Variants in TRIM41 observed in about 807,000 individuals in gnomAD.
The protein encoded by TRIM41 is tripartite motif containing 41, also known as E3 ubiquitin-protein ligase TRIM41.
TRIM41 carries 21 observed loss-of-function variants against 60.6 expected under a neutral mutation model. That is an observed-to-expected ratio of 0.35 (90% CI 0.25 to 0.50). The LOEUF is 0.50. Among genes scored for constraint, TRIM41 ranks in the 20% least tolerant of loss-of-function variants. The pLI is 0.98. For missense variants in TRIM41, 846 were observed against 868.3 expected, an observed-to-expected ratio of 0.97 and a Z score of 0.32; for synonymous variants, 407 against 344.9, an observed-to-expected ratio of 1.18 and a Z score of -2.00.
Position 181,223,406 on chromosome 5 carries a change from G to C in TRIM41, c.-594G>C, listed in dbSNP as rs1301457879. The C allele has an allele frequency of 5.0e-6, 2 of 399,814 alleles. No individual in the cohort carries two copies. The highest frequency in any genetic ancestry group is 2.1e-5 in the African/African-American group (1 of 48,656). 24.8% of individuals were successfully genotyped at this position (399,814 alleles called of 1,614,324 possible). On this transcript the variant is annotated 5_prime_UTR_variant, in exon 1 of 6. Transcript: ENST00000315073. ...CCGCCAGGCGCTCCCCCTACCCCCCGAAGTTTCTCCCCAGCGGCGGGGGAT... is the reference window on the plus strand; with the variant it reads ...CCGCCAGGCGCTCCCCCTACCCCCCCAAGTTTCTCCCCAGCGGCGGGGGAT...
intron 2 of TRIM41, chr5:181,232,213 T>C (rs1758833087): frequency 1.2e-5 from 2 of 169,374 alleles, no homozygotes; most frequent in South Asian, 3.1e-4. Context: ...AACAAAGACA[T>C]TCCTAGTCCC....
rs748438519 is a variant in TRIM41 at position 181,223,984 on chromosome 5, C to A, written c.-16C>A. 3 of 1,601,598 alleles carry A rather than the reference C, an allele frequency of 1.9e-6. No individual in the cohort carries two copies. Among genetic ancestry groups the A allele is most frequent in the Non-Finnish European group, 2.6e-6 (3 of 1,172,238 alleles). On this transcript the variant is annotated 5_prime_UTR_variant, in exon 1 of 6. The change creates a new upstream start codon in the 5' untranslated region. Transcript: ENST00000315073. ...CCCCCCCACCGAACCTCTACACTGG[C>A]TGGCTGGACACTAAGATGGCTGCCG...
At chr5:181,232,430 T>TGG (rs1758843095) in intron 2 of TRIM41, 1 of 528,096 alleles carries the variant, frequency 1.9e-6, no homozygotes, top group Admixed American at 3.8e-5. Context: ...TAGAGTCAGG[T>TGG]GGAGAGGAGT....
rs1186076098 is a variant in TRIM41 at position 181,223,946 on chromosome 5, C to G, written c.-54C>G. 3 of 1,522,288 alleles carry G rather than the reference C, an allele frequency of 2.0e-6. No homozygotes were observed. The African/African-American group carries it at 4.3e-5, about 22-fold the overall frequency. The allele number at this position is 1,522,288 out of a possible 1,614,324, so 94.3% of individuals were successfully genotyped here. ...GTCGCCAGGGCGTCGGTAGGGAAGA[C>G]CCCCGCCCCTCGCCCCCCCACCGAA... On this transcript the variant is annotated 5_prime_UTR_variant, in exon 1 of 6. Transcript: ENST00000315073.
Position 181,232,728 on chromosome 5 carries a change from G to C in TRIM41, c.979G>C (p.Glu327Gln). 1 of 1,614,066 alleles carries C rather than the reference G, an allele frequency of 6.2e-7. No homozygotes were observed. The highest frequency in any genetic ancestry group is 8.5e-7 in the Non-Finnish European group (1 of 1,180,022). ...FGRLTRFLAE[E>Q]QAGLERRLRE... Reference sequence around the variant, plus strand: ...GCGACTGACACGGTTTCTGGCTGAAGAGCAGGCAGGGCTGGAACGGCGTCT... The same window carrying C: ...GCGACTGACACGGTTTCTGGCTGAACAGCAGGCAGGGCTGGAACGGCGTCT... The change falls in exon 3 of 6, where the codon GAG (glutamate) becomes CAG (glutamine). Residue 327 changes from glutamate to glutamine, a missense_variant. Transcript: ENST00000315073.
rs1759074316 is a variant in TRIM41 at position 181,235,571 on chromosome 5, C to T, written c.*796C>T. On this transcript the variant is annotated 3_prime_UTR_variant, in exon 6 of 6. Coordinates refer to ENST00000315073, the MANE Select transcript of TRIM41 (RefSeq NM_033549.5). ...CTCCTCTCCCCTTTGTTCAGTGGAG[C>T]TGGCTTTTCTCCCAGCCCCTTTCCA... The T allele has an allele frequency of 1.3e-5, 11 of 827,042 alleles. No homozygotes were observed. In the Admixed American group the frequency reaches 2.5e-4, roughly 19 times the overall value. 51.2% of individuals were successfully genotyped at this position (827,042 alleles called of 1,614,324 possible). A position where few individuals can be genotyped will look rare whatever the true frequency, so the allele number is the denominator to read the frequency against.
Position 181,234,379 on chromosome 5 carries a change from G to A in TRIM41, c.1497G>A (p.Ala499=), listed in dbSNP as rs774061821. The stretch of plus-strand genomic sequence containing the variant: ...AGGTGGGCGGGCGGCGGGGCTGGGC[G>A]GTGGGTGCTGCCCGTGAATCAACCC... ...EVEVGGRRGW[A]VGAARESTHH... Residue 499 remains alanine (A), a synonymous_variant, in exon 6 of 6, where the codon GCG becomes GCA. Coordinates refer to ENST00000315073, the MANE Select transcript of TRIM41 (RefSeq NM_033549.5). The surrounding 1 kb of genome is among the most constrained non-coding windows in gnomAD (Gnocchi z 5.6). The A allele has an allele frequency of 2.3e-5, 36 of 1,550,542 alleles. 3 individuals carry two copies. The Middle Eastern group carries it at 2.9e-3, about 125-fold the overall frequency.
At position 181,235,641 on chromosome 5, in the gene TRIM41, C is replaced by T. The variant is rs563043460; in HGVS notation, c.*866C>T. 72 of 522,578 alleles carry T rather than the reference C, an allele frequency of 1.4e-4. No individual in the cohort carries two copies. Among genetic ancestry groups the T allele is most frequent in the Non-Finnish European group, 1.7e-4 (51 of 291,764 alleles). The allele number at this position is 522,578 out of a possible 1,614,324, so 32.4% of individuals were successfully genotyped here. A position where few individuals can be genotyped will look rare whatever the true frequency, so the allele number is the denominator to read the frequency against. ...CAAGCTCTGAGGGGGAGCCTGGGGA[C>T]GGGTTTGGGTCCCCAGGAGGAGAGC... is the stretch of plus-strand genomic sequence containing the variant. On this transcript the variant is annotated 3_prime_UTR_variant, in exon 6 of 6. Transcript: ENST00000315073.
In TRIM41 at chr5:181,233,553, AC is replaced by A. The variant is rs1758901817; in HGVS notation, c.1164-80del. On this transcript the variant is annotated intron_variant, in intron 4 of 5. Transcript: ENST00000315073. This position sits in a 1 kb window ranked among gnomAD's most constrained non-coding sequence, Gnocchi z 4.1. ...CAGGACCTGAGTTTCCATCTCCTGG[AC>A]CCTCCTCTCCTTCCCCTCAGCTTTT... 1 of 1,608,178 alleles carries A rather than the reference AC, an allele frequency of 6.2e-7. No homozygotes were observed. The highest frequency in any genetic ancestry group is 1.3e-5 in the African/African-American group (1 of 74,574).
Position 181,235,369 on chromosome 5 carries a change from G to A in TRIM41, c.*594G>A, listed in dbSNP as rs143515521. On this transcript the variant is annotated 3_prime_UTR_variant, in exon 6 of 6. Transcript: ENST00000315073. ...ACCTCCATAGACCGGCCAGAATTTA[G>A]CTTCACTTGAGAGAGATCTGGAATG... is the stretch of plus-strand genomic sequence containing the variant. 1.2e-6 allele frequency: 2 copies of A among 1,614,178 alleles called. No individual in the cohort carries two copies. The highest frequency in any genetic ancestry group is 1.3e-5 in the African/African-American group (1 of 75,030).
intron 1 of TRIM41, chr5:181,227,180 C>G (rs1758587967): frequency 6.6e-6 from 1 of 151,532 alleles, no homozygotes; most frequent in Admixed American, 6.6e-5. Flanking sequence ...GCCATACTCT[C>G]TTTTCTTGAT....
chr5:181,225,691 G>T (rs1167408570), intron 1 of TRIM41: 1 of 152,182 alleles, frequency 6.6e-6, no homozygotes, highest in East Asian at 1.9e-4. Flanking sequence ...ACCACCATTT[G>T]GATGTCTGTT....
chr5:181,234,166 C>T lies in TRIM41; in HGVS notation c.1292-8C>T. The T allele has an allele frequency of 6.2e-7, 1 of 1,608,690 alleles. No homozygotes were observed. ...GCCCTGGCGTATTTGTCCTCCCTCC[C>T]TCCCAAGTGGACCTGACGCTGGACC... On this transcript the variant is annotated splice_polypyrimidine_tract_variant and splice_region_variant and intron_variant, in intron 5 of 5. Transcript: ENST00000315073. This position sits in a 1 kb window ranked among gnomAD's most constrained non-coding sequence, Gnocchi z 5.6.
At position 181,223,842 on chromosome 5, in the gene TRIM41, G is replaced by A. The variant is rs1582265240; in HGVS notation, c.-158G>A. ...GTTTGGGAGTAGGGAACACTGTGTT[G>A]GGGTGGGTTGTCGGCAGGACATCTC... is the stretch of plus-strand genomic sequence containing the variant. On this transcript the variant is annotated 5_prime_UTR_variant, in exon 1 of 6. Coordinates refer to ENST00000315073, the MANE Select transcript of TRIM41 (RefSeq NM_033549.5). 2.9e-6 allele frequency: 2 copies of A among 696,444 alleles called. No individual in the cohort carries two copies. The highest frequency in any genetic ancestry group is 5.4e-5 in the East Asian group (2 of 36,870). 43.1% of individuals were successfully genotyped at this position (696,444 alleles called of 1,614,324 possible).
In TRIM41 at chr5:181,224,727, A is replaced by T; in HGVS notation, c.728A>T (p.Glu243Val). The change falls in exon 1 of 6, where the codon GAG (glutamate) becomes GTG (valine). Residue 243 changes from glutamate (E) to valine (V), a missense_variant. Coordinates refer to ENST00000315073, the MANE Select transcript of TRIM41 (RefSeq NM_033549.5). ...AAGCTCTTCTGCGAGGTAGACGAAG[A>T]GGCCATCTGTGTGGTGTGCCGAGAA... ...ALKLFCEVDE[E>V]AICVVCRESR... The T allele has an allele frequency of 6.2e-7, 1 of 1,614,250 alleles. No homozygotes were observed. The highest frequency in any genetic ancestry group is 8.5e-7 in the Non-Finnish European group (1 of 1,180,054).
chr5:181,234,156 T>TCCTC lies in TRIM41; in HGVS notation c.1292-7_1292-4dup, dbSNP rs753663590. 10 of 1,606,218 alleles carry TCCTC rather than the reference T, an allele frequency of 6.2e-6. No individual in the cohort carries two copies. The highest frequency in any genetic ancestry group is 5.3e-5 in the African/African-American group (4 of 74,900). ...AGCCGTTCCAGCCCTGGCGTATTTG[T>TCCTC]CCTCCCTCCCTCCCAAGTGGACCTG... On this transcript the variant is annotated splice_polypyrimidine_tract_variant and intron_variant, in intron 5 of 5. Transcript: ENST00000315073. This position sits in a 1 kb window ranked among gnomAD's most constrained non-coding sequence, Gnocchi z 5.6.
At position 181,224,515 on chromosome 5, in the gene TRIM41, C is replaced by A. The variant is rs74365536; in HGVS notation, c.516C>A (p.Pro172=). ...ATCTAGACCCCGTCACCCCACTGCC[C>A]CCGCCTCCAGCCCCTCGGAGGTGCT... is the stretch of plus-strand genomic sequence containing the variant. ...EEDLDPVTPL[P]PPPAPRRCFT... Residue 172 remains proline (P), a synonymous_variant, in exon 1 of 6, where the codon CCC becomes CCA. Coordinates refer to ENST00000315073, the MANE Select transcript of TRIM41 (RefSeq NM_033549.5). The A allele has an allele frequency of 6.2e-7, 1 of 1,611,982 alleles. No homozygotes were observed. The highest frequency in any genetic ancestry group is 8.5e-7 in the Non-Finnish European group (1 of 1,178,394).
In TRIM41 at chr5:181,234,230, C is replaced by A; in HGVS notation, c.1348C>A (p.Arg450Ser). The A allele has an allele frequency of 6.2e-7, 1 of 1,613,380 alleles. No individual in the cohort carries two copies. The highest frequency in any genetic ancestry group is 8.5e-7 in the Non-Finnish European group (1 of 1,179,974). ...AHPALMLSPDRRGVRLAERRQ... is the reference protein window; with the variant it reads ...AHPALMLSPDSRGVRLAERRQ... ...CCCGGCCCTGATGCTGTCCCCTGACCGCCGGGGGGTCCGCCTGGCAGAGCG... is the reference window on the plus strand; with the variant it reads ...CCCGGCCCTGATGCTGTCCCCTGACAGCCGGGGGGTCCGCCTGGCAGAGCG... Residue 450 changes from arginine to serine, a missense_variant, in exon 6 of 6, where the codon CGC becomes AGC. Coordinates refer to ENST00000315073, the MANE Select transcript of TRIM41 (RefSeq NM_033549.5). This position sits in a 1 kb window ranked among gnomAD's most constrained non-coding sequence, Gnocchi z 5.6.
rs889229104 is a variant in TRIM41, at chr5:181,233,017, C to T, written c.1140+128C>T. The T allele has an allele frequency of 1.1e-6, 1 of 941,688 alleles. No homozygotes were observed. The highest frequency in any genetic ancestry group is 1.7e-6 in the Non-Finnish European group (1 of 604,448). 58.3% of individuals were successfully genotyped at this position (941,688 alleles called of 1,614,324 possible). A position where few individuals can be genotyped will look rare whatever the true frequency, so the allele number is the denominator to read the frequency against. The stretch of plus-strand genomic sequence containing the variant: ...ACCCACAGTGATTGAACCTGAAGAC[C>T]AAAAACATGTTTTAAAGCTGGAAAC... On this transcript the variant is annotated intron_variant, in intron 3 of 5. Coordinates refer to ENST00000315073, the MANE Select transcript of TRIM41 (RefSeq NM_033549.5). The surrounding 1 kb of genome is among the most constrained non-coding windows in gnomAD (Gnocchi z 4.1).
Sources: gnomAD v4.1 joint callset for allele counts on GRCh38, gnomAD v4.1.1 for gene constraint, Gnocchi (gnomAD v3.1) non-coding constraint, MANE v1.5 for transcripts, NCBI Gene and HGNC (gene_info 2026-07-23, HGNC 2026-07-21) for gene names.